Variants in DCHS2 observed in about 807,000 individuals in gnomAD.
The protein encoded by DCHS2 is dachsous cadherin-related 2.
A neutral mutation model predicts 182.4 loss-of-function variants in DCHS2; 142 were observed. That is an observed-to-expected ratio of 0.78 (90% CI 0.68 to 0.89). DCHS2 has a LOEUF of 0.89. DCHS2 is among the 40% of genes least tolerant of loss of function. DCHS2 has a pLI of 0.00. For missense variants in DCHS2, 4,319 were observed against 4,198.6 expected (o/e 1.03, Z -0.79); for synonymous variants, 1,740 against 1,663.3 (o/e 1.05, Z -1.12).
chr4:154,265,930 G>A (rs1442654772), intron 14 of DCHS2, among the ~76,000 whole-genome samples: 1 of 152,082 alleles, frequency 6.6e-6, no homozygotes, highest in Non-Finnish European at 1.5e-5. Flanking sequence ...TATATACTAT[G>A]CTTTTTTCTA....
At chr4:154,252,411 A>G (rs1732413855) in intron 16 of DCHS2, among the ~76,000 whole-genome samples, 1 of 152,152 alleles carries the variant, frequency 6.6e-6, no homozygotes, top group African/African-American at 2.4e-5. Context: ...TTGTACCAGC[A>G]AATACTGGGT....
At chr4:154,373,785 G>T in intron 2 of DCHS2, 1 of 700,868 alleles carries the variant, frequency 1.4e-6, no homozygotes, top group Non-Finnish European at 2.4e-6. Flanking sequence ...AAGAGGGCAA[G>T]AAGGAGAAAA....
chr4:154,288,339 A>G (rs1181336717), intron 13 of DCHS2, among the ~76,000 whole-genome samples: 1 of 152,218 alleles, frequency 6.6e-6, no homozygotes, highest in African/African-American at 2.4e-5. Flanking sequence ...GTCATTATGC[A>G]ATGATGAATC....
At chr4:154,329,489 T>C (rs1736422942) in intron 6 of DCHS2, 34 bp downstream of exon 6, 4 of 1,585,014 alleles carry the variant, frequency 2.5e-6, no homozygotes, top group Non-Finnish European at 3.5e-6. Context: ...TGACTTAAGA[T>C]ATTACAAATT....
At chr4:154,318,925 T>C (rs1313226327) in intron 9 of DCHS2, among the ~76,000 whole-genome samples, 1 of 152,102 alleles carries the variant, frequency 6.6e-6, no homozygotes, top group East Asian at 1.9e-4. Flanking sequence ...GCTGGAGGCA[T>C]CACACTTCCT....
At chr4:154,422,157 G>T (rs942962168) in intron 1 of DCHS2, among the ~76,000 whole-genome samples, 3 of 152,162 alleles carry the variant, frequency 2.0e-5, no homozygotes, top group Non-Finnish European at 4.4e-5. Context: ...GTCCCTCCAA[G>T]GTGGGGTCTT....
intron 1 of DCHS2, among the ~76,000 whole-genome samples, chr4:154,469,668 C>T (rs1735379090): frequency 6.6e-6 from 1 of 152,198 alleles, no homozygotes; most frequent in Non-Finnish European, 1.5e-5. Flanking sequence ...TCACAAAGCT[C>T]CAACAGCAGT....
At chr4:154,242,887 T>C in intron 16 of DCHS2, 115 bp from the exon 17 acceptor site, 1 of 1,353,704 alleles carries the variant, frequency 7.4e-7, no homozygotes. Context: ...CTACTTTTAT[T>C]TTTCTCTTGG....
At position 154,491,247 on chromosome 4, in the gene DCHS2, C is replaced by T. The variant is rs1309747838; in HGVS notation, c.109G>A (p.Gly37Ser). ...CGCTGCGTCCTGGCGCCGCTGCTGC[C>T]TGACCGCCCATGGGGTGTATCTCTC... The part of the protein sequence containing the change: ...GRRDTPHGRS[G>S]SSGARTQRSL... Residue 37 changes from glycine (G) to serine (S), a missense_variant, in exon 1 of 20, where the codon GGC (glycine) becomes AGC (serine). Coordinates refer to ENST00000357232, the MANE Select transcript of DCHS2 (RefSeq NM_001358235.2). The T allele has an allele frequency of 3.2e-6, 5 of 1,551,316 alleles. No individual in the cohort carries two copies. The East Asian group carries it at 1.2e-4, about 38-fold the overall frequency.
intron 13 of DCHS2, among the ~76,000 whole-genome samples, chr4:154,275,275 A>G (rs1733792460): frequency 6.6e-6 from 1 of 152,154 alleles, no homozygotes; most frequent in African/African-American, 2.4e-5. Context: ...AAGGAAAAAG[A>G]GCAAGAAAAC....
chr4:154,294,801 T>A (rs1184117779), intron 13 of DCHS2, among the ~76,000 whole-genome samples: 1 of 152,134 alleles, frequency 6.6e-6, no homozygotes, highest in Non-Finnish European at 1.5e-5. Flanking sequence ...GCCCAGGCAG[T>A]CAATGAAGGC....
At chr4:154,381,810 C>A (rs964596744) in intron 1 of DCHS2, among the ~76,000 whole-genome samples, 2 of 152,194 alleles carry the variant, frequency 1.3e-5, no homozygotes, top group East Asian at 1.9e-4. Flanking sequence ...GAAAAACATT[C>A]CATGCTCATT....
chr4:154,277,565 T>G lies in DCHS2; in HGVS notation c.6464-7552A>C, dbSNP rs990275469. On this transcript the variant is annotated intron_variant, in intron 13 of 19. Transcript: ENST00000357232. ...CCAGGCTGATTGGTAAAGATCTTCC[T>G]TTGCACAAATCCAGTCTGTAAAATC... 2.6e-5 allele frequency among the ~76,000 whole-genome samples: 4 copies of G among 151,234 alleles called. No homozygotes were observed. The South Asian group carries it at 8.3e-4, about 32-fold the overall frequency.
Position 154,335,107 on chromosome 4 carries a change from G to T in DCHS2, c.2477-3C>A. ...AGGTAATGTTAAGTAAATAATTCCT[G>T]GGTAGGGAAAAGAAAACATTGGTAA... On this transcript the variant is annotated splice_region_variant and splice_polypyrimidine_tract_variant and intron_variant, in intron 3 of 19. Transcript: ENST00000357232. 6.3e-7 allele frequency: 1 copy of T among 1,576,918 alleles called. No homozygotes were observed. Among genetic ancestry groups the T allele is most frequent in the Non-Finnish European group, 8.7e-7 (1 of 1,146,278 alleles).
chr4:154,236,377 C>T lies in DCHS2; in HGVS notation c.8275G>A (p.Val2759Ile). 1 of 1,614,068 alleles carries T rather than the reference C, an allele frequency of 6.2e-7. No homozygotes were observed. Among genetic ancestry groups the T allele is most frequent in the Admixed American group, 1.7e-5 (1 of 60,014 alleles). ...GGTGCATGGTCGTTATCATCCAGGA[C>T]ACTGACAAACACAACTGCAAAAGAA... ...HFSFAVVFVS[V>I]LDDNDHAPQF... The change falls in exon 20 of 20, where the codon GTC becomes ATC. Residue 2759 changes from valine to isoleucine, a missense_variant. Physicochemically the swap from Val to Ile is conservative, Grantham distance 29. Transcript: ENST00000357232.
At chr4:154,267,724 C>T (rs896462412) in intron 14 of DCHS2, among the ~76,000 whole-genome samples, 10 of 151,974 alleles carry the variant, frequency 6.6e-5, no homozygotes, top group Non-Finnish European at 7.4e-5. Flanking sequence ...CCTAGCTTTA[C>T]GGCAATTAGA....
intron 1 of DCHS2, among the ~76,000 whole-genome samples, chr4:154,396,471 A>G (rs1731933387): frequency 6.6e-6 from 1 of 152,164 alleles, no homozygotes; most frequent in South Asian, 2.1e-4. Flanking sequence ...CAGCTCTAAC[A>G]GTACTGATGA....
chr4:154,389,518 A>G (rs1460149191), intron 1 of DCHS2, among the ~76,000 whole-genome samples: 1 of 125,406 alleles, frequency 8.0e-6, no homozygotes, highest in Non-Finnish European at 1.8e-5. Flanking sequence ...GACAAAGGTT[A>G]TATATATATA....
At chr4:154,294,949 C>T (rs1019303865) in intron 13 of DCHS2, among the ~76,000 whole-genome samples, 4 of 152,208 alleles carry the variant, frequency 2.6e-5, no homozygotes, top group African/African-American at 9.7e-5. Context: ...TTTACAACTT[C>T]GCTTCTTGTG....
Sources: allele counts gnomAD v4.1 joint callset (sites outside exome capture counted in the v4.1 genomes callset), GRCh38; gene constraint gnomAD v4.1.1; transcripts MANE v1.5; gene names NCBI Gene and HGNC (gene_info 2026-07-23, HGNC 2026-07-21).